The following ERCC6L2 variants were observed in gnomAD, a reference collection of about 807,000 sequenced individuals.
ERCC6L2 encodes DNA excision repair protein ERCC-6-like 2.
Under a neutral mutation model 132.0 loss-of-function variants are expected in ERCC6L2, and 77 were observed. The observed-to-expected ratio is 0.58, with a 90% CI of 0.49 to 0.71. The LOEUF (loss-of-function observed/expected upper bound fraction) is 0.71. ERCC6L2 is among the 30% of genes least tolerant of loss of function. ERCC6L2 has a pLI of 0.00. For missense variants in ERCC6L2, 1,542 were observed against 1,837.6 expected, an observed-to-expected ratio of 0.84 and a Z score of 2.94; for synonymous variants, 583 against 632.4, an observed-to-expected ratio of 0.92 and a Z score of 1.17.
At chr9:95,929,051 A>G (rs1830223616) in intron 11 of ERCC6L2, 187 bp downstream of exon 11, 2 of 439,468 alleles carry the variant, frequency 4.6e-6, no homozygotes, top group Admixed American at 4.2e-5. Context: ...TCCTTTATCA[A>G]CATTGAATTC....
intron 18 of ERCC6L2, among the ~76,000 whole-genome samples, chr9:96,006,800 GT>G (rs1208075301): frequency 1.3e-5 from 2 of 152,118 alleles, no homozygotes; most frequent in African/African-American, 4.8e-5. Context: ...GAAGCCATAA[GT>G]TCAGAGGGAG....
At chr9:95,975,513 T>G (rs2133096055) in intron 16 of ERCC6L2, among the ~76,000 whole-genome samples, 2 of 135,032 alleles carry the variant, frequency 1.5e-5, no homozygotes, top group South Asian at 2.4e-4. Flanking sequence ...GCCCAGGGGG[T>G]TTTTTTCTTT....
At chr9:95,910,254 ATGAGGTGCACATGCAT>A (rs1829281952) in intron 4 of ERCC6L2, among the ~76,000 whole-genome samples, 2 of 152,166 alleles carry the variant, frequency 1.3e-5, no homozygotes, top group Non-Finnish European at 2.9e-5. Context: ...AAGCTCTTTT[ATGAGGTGCACATGCAT>A]TTATGATTGT....
chr9:96,026,716 CACACACCAA>C (rs1347585648), intron 19 of ERCC6L2, among the ~76,000 whole-genome samples: 8 of 148,192 alleles, frequency 5.4e-5, no homozygotes, highest in African/African-American at 1.8e-4. Context: ...ACACACACCC[CACACACCAA>C]ACACACCACA....
chr9:95,882,881 T>C (rs1827668538), intron 2 of ERCC6L2, among the ~76,000 whole-genome samples: 1 of 152,202 alleles, frequency 6.6e-6, no homozygotes, highest in Admixed American at 6.5e-5. Context: ...TTCCACAAAC[T>C]ATCATTTAGC....
rs904333922 is a variant in ERCC6L2 at position 96,016,737 on chromosome 9, T to C, written c.*3534T>C. 2.0e-5 allele frequency among the ~76,000 whole-genome samples: 3 copies of C among 152,226 alleles called. No homozygotes were observed. Among genetic ancestry groups the C allele is most frequent in the South Asian group, 2.1e-4 (1 of 4,832 alleles). On this transcript the variant is annotated 3_prime_UTR_variant, in exon 19 of 19. Coordinates refer to ENST00000653738, the MANE Select transcript of ERCC6L2 (RefSeq NM_020207.7). The stretch of plus-strand genomic sequence containing the variant: ...CTGAAGTTATCCTTCTTTTATGATA[T>C]CAAAATAGCCCTCTTTTTTGAAATG...
At chr9:95,992,263 T>C (rs1453804500) in intron 17 of ERCC6L2, among the ~76,000 whole-genome samples, 1 of 152,210 alleles carries the variant, frequency 6.6e-6, no homozygotes, top group Non-Finnish European at 1.5e-5. Context: ...AATTAGGTGA[T>C]AAAGACTTTA....
Position 95,923,405 on chromosome 9 carries a change from T to A in ERCC6L2, c.1533+26T>A, listed in dbSNP as rs774445606. On this transcript the variant is annotated intron_variant, in intron 9 of 18. Coordinates refer to ENST00000653738, the MANE Select transcript of ERCC6L2 (RefSeq NM_020207.7). ...GTAAGTGCTCCTCTTTCAGGTTGCA[T>A]ACAGACATGATACACAAAATATTTA... is the stretch of plus-strand genomic sequence containing the variant. 1.9e-6 allele frequency: 3 copies of A among 1,610,878 alleles called. No individual in the cohort carries two copies. The East Asian group carries it at 6.7e-5, about 36-fold the overall frequency.
chr9:95,998,420 G>C (rs991613060), intron 17 of ERCC6L2, among the ~76,000 whole-genome samples: 3 of 152,234 alleles, frequency 2.0e-5, no homozygotes, highest in African/African-American at 7.2e-5. Context: ...GGTTGAATCA[G>C]CTGACCTTGA....
intron 19 of ERCC6L2, among the ~76,000 whole-genome samples, chr9:96,024,948 C>T (rs765112809): frequency 4.4e-4 from 67 of 152,212 alleles, no homozygotes; most frequent in Non-Finnish European, 8.4e-4. Context: ...CTCTCAGCCA[C>T]TGTATTCACT....
downstream of ERCC6L2, chr9:96,020,617 C>T (rs772683596): frequency 7.9e-6 from 3 of 379,904 alleles, no homozygotes; most frequent in African/African-American, 2.1e-5. Flanking sequence ...CCTAGGTGGA[C>T]GCTAAGGGAC....
At chr9:96,034,187 G>A (rs1279797453) in intron 19 of ERCC6L2, among the ~76,000 whole-genome samples, 1 of 152,242 alleles carries the variant, frequency 6.6e-6, no homozygotes. Context: ...GTAGGGATAG[G>A]AGGGGGGTCC....
Position 95,876,050 on chromosome 9 carries a change from G to C in ERCC6L2, c.12G>C (p.Ser4=), listed in dbSNP as rs371776172. ...CTCCCCCTGGCCGGATGGATCCGTC[G>C]GCGCCACAGCCCCGCGCGGAAACCT... MDP[S]APQPRAETSG... The change falls in exon 1 of 19, where the codon TCG becomes TCC. Residue 4 remains serine, a synonymous_variant. Coordinates refer to ENST00000653738, the MANE Select transcript of ERCC6L2 (RefSeq NM_020207.7). 6.3e-7 allele frequency: 1 copy of C among 1,587,960 alleles called. No individual in the cohort carries two copies. The highest frequency in any genetic ancestry group is 8.6e-7 in the Non-Finnish European group (1 of 1,168,072).
chr9:96,020,246 A>G (rs1204242589), downstream of ERCC6L2: 1 of 161,794 alleles, frequency 6.2e-6, no homozygotes, highest in Non-Finnish European at 1.4e-5. Flanking sequence ...CCATGATTCA[A>G]TTACCTCCAC....
chr9:95,933,859 AAAAAAG>A (rs934113813), intron 11 of ERCC6L2, among the ~76,000 whole-genome samples: 2 of 152,222 alleles, frequency 1.3e-5, no homozygotes, highest in East Asian at 1.9e-4. Context: ...AAAAAAAAAA[AAAAAAG>A]AAGTCTTGAG....
intron 11 of ERCC6L2, among the ~76,000 whole-genome samples, chr9:95,931,010 T>A (rs1379669215): frequency 6.6e-6 from 1 of 152,184 alleles, no homozygotes; most frequent in Admixed American, 6.5e-5. Flanking sequence ...AAAAAGCGTT[T>A]ACATTACTAT....
intron 3 of ERCC6L2, among the ~76,000 whole-genome samples, chr9:95,904,476 C>T (rs1275561849): frequency 3.3e-5 from 5 of 152,020 alleles, no homozygotes; most frequent in African/African-American, 1.2e-4. Context: ...CAGGATATGT[C>T]ATGGTAGTTA....
chr9:95,954,898 A>G (rs934057504), intron 12 of ERCC6L2: 2 of 471,072 alleles, frequency 4.2e-6, no homozygotes, highest in Admixed American at 2.3e-5. Flanking sequence ...GTCCTCGAGT[A>G]AAAGTCCATT....
chr9:95,885,645 G>A (rs1319073876), intron 2 of ERCC6L2, among the ~76,000 whole-genome samples: 1 of 152,156 alleles, frequency 6.6e-6, no homozygotes, highest in Non-Finnish European at 1.5e-5. Context: ...TACAGGTTTG[G>A]GAACCTGACC....
Sources: allele counts gnomAD v4.1 joint callset (sites outside exome capture counted in the v4.1 genomes callset), GRCh38; gene constraint gnomAD v4.1.1; transcripts MANE v1.5; gene names NCBI Gene and HGNC (gene_info 2026-07-23, HGNC 2026-07-21).